The following TMEM9 variants were observed in gnomAD, a reference collection of about 807,000 sequenced individuals.
TMEM9 encodes proton-transporting V-type ATPase complex assembly regulator TMEM9.
Under a neutral mutation model 22.8 loss-of-function variants are expected in TMEM9, and 13 were observed. The ratio of observed to expected loss-of-function variants is 0.57; its 90% CI spans 0.37 to 0.91. The LOEUF (loss-of-function observed/expected upper bound fraction) is 0.91, where lower values mean the gene tolerates loss of function less well. Ranked by LOEUF, TMEM9 falls within the 40% of genes least tolerant of loss-of-function variation. The pLI, the probability that TMEM9 is intolerant of heterozygous loss-of-function variation, is 0.01. For synonymous variants in TMEM9, 88 were observed against 93.0 expected (o/e 0.95, Z 0.31); for missense variants, 182 against 238.1 (o/e 0.76, Z 1.55).
At chr1:201,136,643 T>C (rs1047217008) in intron 4 of TMEM9, among the ~76,000 whole-genome samples, 1 of 152,206 alleles carries the variant, frequency 6.6e-6, no homozygotes, top group African/African-American at 2.4e-5. Flanking sequence ...TTCAGAACTG[T>C]TGCTGCCGTC....
intron 4 of TMEM9, among the ~76,000 whole-genome samples, chr1:201,142,259 G>A (rs1025516262): frequency 6.6e-6 from 1 of 152,222 alleles, no homozygotes; most frequent in African/African-American, 2.4e-5. Flanking sequence ...CAGCCCTCGA[G>A]AGCAGCCAGG....
rs113410796 is a variant in TMEM9 at position 201,165,946 on chromosome 1, C to T, written c.-37+5544G>A. On this transcript the variant is annotated intron_variant, in intron 1 of 5. Transcript: ENST00000367333. Reference sequence around the variant, plus strand: ...TGTAAGTCTGCCTTTCTTCGTGGTCCAGGACATAGAGCCCTCCCGTGCAAA... The same window carrying T: ...TGTAAGTCTGCCTTTCTTCGTGGTCTAGGACATAGAGCCCTCCCGTGCAAA... Among the ~76,000 whole-genome samples the T allele has an allele frequency of 4.9e-3, 741 of 152,268 alleles. 5 individuals are homozygous for T. The highest frequency in any genetic ancestry group is 9.0e-3 in the Non-Finnish European group (609 of 68,018).
rs768421176 is a variant in TMEM9, at chr1:201,151,737, A to AG, written c.158+23dup. 3 of 1,578,524 alleles carry AG rather than the reference A, an allele frequency of 1.9e-6. No individual in the cohort carries two copies. In the East Asian group the frequency reaches 6.7e-5, roughly 35 times the overall value. The stretch of plus-strand genomic sequence containing the variant: ...ATAACTTCAACTGGGTATAGCAGCC[A>AG]GGGGCCTGCGTGTAATGCCTTACCA... On this transcript the variant is annotated intron_variant, in intron 2 of 4. Transcript: ENST00000367330.
intron 1 of TMEM9, among the ~76,000 whole-genome samples, chr1:201,153,475 C>T (rs1435693725): frequency 6.6e-6 from 1 of 152,156 alleles, no homozygotes; most frequent in Non-Finnish European, 1.5e-5. Context: ...ACTTAGGTCC[C>T]CTCCCCAAGA....
At chr1:201,137,415 C>T (rs1664099023) in intron 4 of TMEM9, among the ~76,000 whole-genome samples, 2 of 151,532 alleles carry the variant, frequency 1.3e-5, no homozygotes, top group African/African-American at 4.8e-5. Context: ...TAAATGTAGT[C>T]ATTGAGACTT....
At chr1:201,135,858 C>CA in intron 4 of TMEM9, 43 bp from the exon 5 acceptor site, 1 of 1,533,932 alleles carries the variant, frequency 6.5e-7, no homozygotes, top group Non-Finnish European at 8.8e-7. Flanking sequence ...CACGGTAAGC[C>CA]AGAAGGGTCT....
intron 3 of TMEM9, chr1:201,144,821 G>C (rs144025845): frequency 1.3e-5 from 2 of 152,316 alleles, no homozygotes; most frequent in Middle Eastern, 3.4e-3. Flanking sequence ...TGCTGGGCTA[G>C]ATCACCTGTG....
chr1:201,160,302 A>T lies in TMEM9; in HGVS notation c.-36-6343T>A, dbSNP rs563407481. 1.4e-4 allele frequency among the ~76,000 whole-genome samples: 21 copies of T among 152,242 alleles called. No individual in the cohort carries two copies. The South Asian group carries it at 4.4e-3, about 32-fold the overall frequency. ...CCTTTTACATTCTTAAAAATTATTG[A>T]GGTTAGGCCAGGCATGTTGGCTCAC... On this transcript the variant is annotated intron_variant, in intron 1 of 5. Transcript: ENST00000367333.
chr1:201,159,533 A>C (rs1572137931), intron 1 of TMEM9, among the ~76,000 whole-genome samples: 1 of 148,556 alleles, frequency 6.7e-6, no homozygotes, highest in African/African-American at 2.5e-5. Flanking sequence ...CTCTCTCAAC[A>C]CCACTTGACT....
chr1:201,161,788 T>A (rs1665952848), intron 1 of TMEM9, among the ~76,000 whole-genome samples: 1 of 152,220 alleles, frequency 6.6e-6, no homozygotes, highest in Non-Finnish European at 1.5e-5. Flanking sequence ...GCTGCTCCAG[T>A]GACTTCTAGA....
At chr1:201,161,278 G>A (rs971711289) in intron 1 of TMEM9, among the ~76,000 whole-genome samples, 1 of 152,122 alleles carries the variant, frequency 6.6e-6, no homozygotes, top group East Asian at 1.9e-4. Context: ...ATGCTTGTAG[G>A]AGAATGAGTG....
upstream of TMEM9, among the ~76,000 whole-genome samples, chr1:201,157,757 G>C (rs78550599): frequency 1.6e-3 from 238 of 152,272 alleles, 5 homozygotes; most frequent in East Asian, 0.042. Context: ...GAGCTGTGCT[G>C]GGGGAAGGCT....
intron 2 of TMEM9, among the ~76,000 whole-genome samples, chr1:201,150,954 A>C (rs1435585041): frequency 6.6e-6 from 1 of 152,174 alleles, no homozygotes; most frequent in East Asian, 1.9e-4. Flanking sequence ...CCTGGCTCCC[A>C]AAACTGCCTA....
intron 1 of TMEM9, among the ~76,000 whole-genome samples, chr1:201,169,472 A>G (rs1215610779): frequency 1.3e-5 from 2 of 152,230 alleles, no homozygotes; most frequent in Admixed American, 6.5e-5. Flanking sequence ...CACATGCTCC[A>G]AGGAACACAG....
At chr1:201,163,239 G>A (rs1665991807) in intron 1 of TMEM9, among the ~76,000 whole-genome samples, 1 of 152,078 alleles carries the variant, frequency 6.6e-6, no homozygotes, top group Non-Finnish European at 1.5e-5. Context: ...GTGAACCATG[G>A]TCATGCCACT....
Position 201,135,606 on chromosome 1 carries a change from C to T in TMEM9, c.*57G>A. ...GGGAGAAGTAGCCCCCTGCTTTGTC[C>T]AGCCTGGAAGCTGGCAGCCATGGTG... On this transcript the variant is annotated 3_prime_UTR_variant, in exon 5 of 5. Coordinates refer to ENST00000367330, the MANE Select transcript of TMEM9 (RefSeq NM_001288565.2). 6 of 1,482,580 alleles carry T rather than the reference C, an allele frequency of 4.0e-6. No homozygotes were observed. Among genetic ancestry groups the T allele is most frequent in the Non-Finnish European group, 5.4e-6 (6 of 1,109,446 alleles). 91.8% of individuals were successfully genotyped at this position (1,482,580 alleles called of 1,614,324 possible).
chr1:201,146,767 G>A lies in TMEM9; in HGVS notation c.240C>T (p.Tyr80=), dbSNP rs371791986. Reference sequence around the variant, plus strand: ...TGATGGTGGTGGTGCTGCGCTCCTCGTACCTGCACTCGCACAGCAGGCAGT... The same window carrying A: ...TGATGGTGGTGGTGCTGCGCTCCTCATACCTGCACTCGCACAGCAGGCAGT... ...EAYCLLCECR[Y]EERSTTTIKV... is the part of the protein sequence containing the mutation. The change falls in exon 3 of 5, where the codon TAC becomes TAT. Residue 80 remains tyrosine (Y), a synonymous_variant. Transcript: ENST00000367330. 86 of 1,614,070 alleles carry A rather than the reference G, an allele frequency of 5.3e-5. No individual in the cohort carries two copies. The highest frequency in any genetic ancestry group is 1.5e-4 in the African/African-American group (11 of 74,922).
intron 1 of TMEM9, among the ~76,000 whole-genome samples, chr1:201,164,970 C>T (rs1160316729): frequency 6.6e-6 from 1 of 151,378 alleles, no homozygotes; most frequent in East Asian, 1.9e-4. Flanking sequence ...GGTGAGATAC[C>T]GTAATTAACT....
intron 1 of TMEM9, among the ~76,000 whole-genome samples, chr1:201,152,574 T>C (rs1260407309): frequency 6.6e-6 from 1 of 152,190 alleles, no homozygotes; most frequent in African/African-American, 2.4e-5. Context: ...CTTAGGTGGG[T>C]CACCCTTAAT....
Sources: allele counts gnomAD v4.1 joint callset (sites outside exome capture counted in the v4.1 genomes callset), GRCh38; gene constraint gnomAD v4.1.1; transcripts MANE v1.5; gene names NCBI Gene and HGNC (gene_info 2026-07-23, HGNC 2026-07-21).